The following FAM167A variants were observed in gnomAD, a reference collection of about 807,000 sequenced individuals.
FAM167A encodes the protein family with sequence similarity 167 member A.
FAM167A carries 23 observed loss-of-function variants against 14.9 expected under a neutral mutation model. The observed-to-expected ratio is 1.55, with a 90% CI of 1.11 to 2.19. FAM167A has a LOEUF of 2.19. Among genes scored for constraint, FAM167A ranks in the 30% most tolerant of loss-of-function variants. The probability of loss-of-function intolerance (pLI) is 0.00; values close to 1 mark genes in which losing one functional copy is unlikely to be tolerated. For missense variants in FAM167A, 401 were observed against 281.5 expected (o/e 1.42, Z -3.04); for synonymous variants, 174 against 117.7 (o/e 1.48, Z -3.10).
At chr8:11,460,499 G>A (rs577557802) in intron 1 of FAM167A, among the ~76,000 whole-genome samples, 1 of 152,356 alleles carries the variant, frequency 6.6e-6, no homozygotes, top group African/African-American at 2.4e-5. Context: ...GCGCCGACTC[G>A]CCCACGTTTC....
At position 11,441,833 on chromosome 8, in the gene FAM167A, C is replaced by T. The variant is rs567090360; in HGVS notation, c.381+2198G>A. 4.6e-5 allele frequency among the ~76,000 whole-genome samples: 7 copies of T among 152,304 alleles called. No homozygotes were observed. The East Asian group carries it at 7.7e-4, about 17-fold the overall frequency. On this transcript the variant is annotated intron_variant, in intron 2 of 2. Coordinates refer to ENST00000284486, the MANE Select transcript of FAM167A (RefSeq NM_053279.3). ...CCTGTTTCTCTCTCTGCCCCCACCCCCATGCATTCTGTTGCCTGCTGACAT... is the reference window on the plus strand; with the variant it reads ...CCTGTTTCTCTCTCTGCCCCCACCCTCATGCATTCTGTTGCCTGCTGACAT...
intron 1 of FAM167A, among the ~76,000 whole-genome samples, chr8:11,459,421 G>C (rs1239506942): frequency 6.6e-6 from 1 of 152,230 alleles, no homozygotes; most frequent in Non-Finnish European, 1.5e-5. Context: ...AGAAACCTCA[G>C]GGGCAAATAA....
At chr8:11,437,210 T>C (rs1423263804) in intron 2 of FAM167A, among the ~76,000 whole-genome samples, 2 of 152,216 alleles carry the variant, frequency 1.3e-5, no homozygotes, top group Non-Finnish European at 2.9e-5. Context: ...TTCAAATTCC[T>C]GCTCTGCTGA....
At chr8:11,458,717 T>C (rs1048051642) in intron 1 of FAM167A, among the ~76,000 whole-genome samples, 8 of 151,796 alleles carry the variant, frequency 5.3e-5, no homozygotes, top group African/African-American at 1.9e-4. Flanking sequence ...AAGCTTGGAG[T>C]TTCCAGAGTC....
chr8:11,456,872 G>A (rs1252787775), intron 1 of FAM167A, among the ~76,000 whole-genome samples: 1 of 140,620 alleles, frequency 7.1e-6, no homozygotes, highest in Non-Finnish European at 1.5e-5. Context: ...AGGGAAGTGA[G>A]TTGGGCCCTG....
At chr8:11,433,209 A>C (rs1805738251) in intron 2 of FAM167A, among the ~76,000 whole-genome samples, 4 of 151,864 alleles carry the variant, frequency 2.6e-5, no homozygotes, top group Admixed American at 2.6e-4. Context: ...TATGATAAAA[A>C]AAAATAAAAA....
chr8:11,424,195 A>C lies in FAM167A; in HGVS notation c.*178T>G. The C allele has an allele frequency of 1.4e-6, 1 of 712,406 alleles. No individual in the cohort carries two copies. The highest frequency in any genetic ancestry group is 2.3e-6 in the Non-Finnish European group (1 of 441,264). 44.1% of individuals were successfully genotyped at this position (712,406 alleles called of 1,614,324 possible). A position where few individuals can be genotyped will look rare whatever the true frequency, so the allele number is the denominator to read the frequency against. ...GCCAGTCACAGAGACACTGGCATCC[A>C]CACCCAGGGCCCCTGGGTGGGAGAG... On this transcript the variant is annotated 3_prime_UTR_variant, in exon 3 of 3. Coordinates refer to ENST00000284486, the MANE Select transcript of FAM167A (RefSeq NM_053279.3).
chr8:11,475,110 T>C (rs941678992), intron 1 of FAM167A, among the ~76,000 whole-genome samples: 1 of 152,142 alleles, frequency 6.6e-6, no homozygotes, highest in African/African-American at 2.4e-5. Flanking sequence ...GACTGGGCAG[T>C]CCAGTGGTTG....
intron 2 of FAM167A, chr8:11,435,249 C>A: frequency 2.5e-6 from 1 of 396,400 alleles, no homozygotes; most frequent in South Asian, 1.9e-5. Context: ...CCAGCTCAGC[C>A]TTTGTCCCTC....
rs1806663343 is a variant in FAM167A at position 11,444,550 on chromosome 8, T to C, written c.-139A>G. The C allele has an allele frequency of 2.7e-5, 40 of 1,467,530 alleles. No individual in the cohort carries two copies. The highest frequency in any genetic ancestry group is 3.3e-5 in the Non-Finnish European group (37 of 1,117,030). The allele number at this position is 1,467,530 out of a possible 1,614,324, so 90.9% of individuals were successfully genotyped here. ...GGCATTTCCGGGACAGGAGCCGGCC[T>C]CAGAGGCTGGGTGGCAGGGGAGCTG... On this transcript the variant is annotated 5_prime_UTR_variant, in exon 2 of 3. Transcript: ENST00000284486.
intron 2 of FAM167A, among the ~76,000 whole-genome samples, chr8:11,438,825 G>A (rs1289295525): frequency 3.9e-5 from 6 of 152,252 alleles, no homozygotes; most frequent in African/African-American, 1.4e-4. Context: ...CAGAGGCTGG[G>A]ACGAGGAATT....
At chr8:11,456,199 G>A (rs1423155983) in intron 1 of FAM167A, among the ~76,000 whole-genome samples, 15 of 194 alleles carry the variant, frequency 0.077, no homozygotes, top group South Asian at 0.25. Flanking sequence ...TGTGGGGGGT[G>A]GTTGCCTTGC....
intron 1 of FAM167A, among the ~76,000 whole-genome samples, chr8:11,455,946 G>T (rs961919959): frequency 1.3e-4 from 15 of 116,980 alleles, no homozygotes; most frequent in South Asian, 6.2e-4. Flanking sequence ...GCGTGAATGT[G>T]GGGTGGTTGC....
chr8:11,453,123 C>T (rs769654798), intron 1 of FAM167A, among the ~76,000 whole-genome samples: 11 of 152,318 alleles, frequency 7.2e-5, no homozygotes, highest in South Asian at 2.1e-4. Context: ...GTCCTGCTGC[C>T]GGTTATCCTT....
intron 1 of FAM167A, among the ~76,000 whole-genome samples, chr8:11,455,636 G>T (rs112896939): frequency 7.7e-6 from 1 of 129,670 alleles, no homozygotes; most frequent in Non-Finnish European, 1.6e-5. Flanking sequence ...TGCTCTGCTG[G>T]GTGTGAGTGT....
At chr8:11,464,469 T>C (rs1395783313) in intron 1 of FAM167A, among the ~76,000 whole-genome samples, 1 of 152,190 alleles carries the variant, frequency 6.6e-6, no homozygotes, top group Middle Eastern at 3.4e-3. Flanking sequence ...CTGCCCACCA[T>C]GTAGCCCATC....
intron 2 of FAM167A, among the ~76,000 whole-genome samples, chr8:11,431,836 C>T (rs1041197048): frequency 6.5e-5 from 9 of 138,668 alleles, no homozygotes; most frequent in African/African-American, 2.2e-4. Flanking sequence ...GTAGAAGGGC[C>T]TCTCTGGGGG....
chr8:11,438,990 C>T (rs564376708), intron 2 of FAM167A, among the ~76,000 whole-genome samples: 374 of 152,358 alleles, frequency 2.5e-3, no homozygotes, highest in African/African-American at 7.9e-3. Context: ...TACAAGTACC[C>T]TGTTCTGAAG....
chr8:11,451,122 G>A (rs1807006930), intron 1 of FAM167A, among the ~76,000 whole-genome samples: 1 of 152,208 alleles, frequency 6.6e-6, no homozygotes, highest in African/African-American at 2.4e-5. Context: ...TTCTCCTGGG[G>A]CGTGGGGAGA....
Sources: gnomAD v4.1 joint callset for allele counts (sites outside exome capture counted in the v4.1 genomes callset) on GRCh38, gnomAD v4.1.1 for gene constraint, MANE v1.5 for transcripts, NCBI Gene and HGNC (gene_info 2026-07-23, HGNC 2026-07-21) for gene names.